The following XKR6 variants were observed in gnomAD, a reference collection of about 807,000 sequenced individuals.
XKR6 encodes XK-related protein 6.
In XKR6, 22 loss-of-function variants were observed where a neutral mutation model predicts 56.7. The ratio of observed to expected loss-of-function variants is 0.39; its 90% CI spans 0.28 to 0.55. XKR6 has a LOEUF of 0.55. XKR6 is among the 20% of genes least tolerant of loss of function. The pLI, the probability that XKR6 is intolerant of heterozygous loss-of-function variation, is 0.66. For synonymous variants in XKR6, 524 were observed against 387.8 expected (o/e 1.35, Z -4.13); for missense variants, 852 against 889.0 (o/e 0.96, Z 0.53).
At chr8:10,980,041 GA>G (rs1563325381) in intron 1 of XKR6, among the ~76,000 whole-genome samples, 5 of 152,230 alleles carry the variant, frequency 3.3e-5, no homozygotes, top group African/African-American at 1.2e-4. Context: ...CTGTCCCAAG[GA>G]AAACCCCATC....
intron 1 of XKR6, among the ~76,000 whole-genome samples, chr8:10,972,345 C>A (rs1181622839): frequency 2.0e-5 from 3 of 152,174 alleles, no homozygotes; most frequent in Admixed American, 6.5e-5. Flanking sequence ...TTCTTTCCTG[C>A]TGAGCTGATT....
Position 10,991,509 on chromosome 8 carries a change from G to A in XKR6, c.765-66679C>T, listed in dbSNP as rs553218061. 7.2e-5 allele frequency among the ~76,000 whole-genome samples: 11 copies of A among 152,298 alleles called. No homozygotes were observed. In the South Asian group the frequency reaches 1.9e-3, roughly 26 times the overall value. ...AATTTGGATGTTAAGGCCGGAACAC[G>A]ATGAGTCTATCTTTTCTGGGTCCTC... is the stretch of plus-strand genomic sequence containing the variant. On this transcript the variant is annotated intron_variant, in intron 1 of 2. Coordinates refer to ENST00000416569, the MANE Select transcript of XKR6 (RefSeq NM_173683.4).
chr8:11,024,200 A>G (rs934379015), intron 1 of XKR6, among the ~76,000 whole-genome samples: 1 of 133,096 alleles, frequency 7.5e-6, no homozygotes, highest in South Asian at 2.5e-4. Context: ...CATACCTGTT[A>G]GGAGGTGTGT....
chr8:10,980,164 A>C (rs1196842844), intron 1 of XKR6, among the ~76,000 whole-genome samples: 1 of 152,160 alleles, frequency 6.6e-6, no homozygotes, highest in African/African-American at 2.4e-5. Context: ...TGAGCTTGGT[A>C]CTAAGGATGA....
At position 11,036,120 on chromosome 8, in the gene XKR6, T is replaced by G. The variant is rs576951836; in HGVS notation, c.765-111290A>C. On this transcript the variant is annotated intron_variant, in intron 1 of 2. Coordinates refer to ENST00000416569, the MANE Select transcript of XKR6 (RefSeq NM_173683.4). ...CACCATACCAGGCTAATTGTTTTTC[T>G]TAGTTTTTGTAGAGATGGGGTCTCA... Among the ~76,000 whole-genome samples the G allele has an allele frequency of 3.3e-5, 5 of 152,100 alleles. No individual in the cohort carries two copies. The East Asian group carries it at 9.7e-4, about 30-fold the overall frequency.
intron 1 of XKR6, among the ~76,000 whole-genome samples, chr8:11,083,140 C>G (rs1343964687): frequency 6.6e-6 from 1 of 152,208 alleles, no homozygotes; most frequent in South Asian, 2.1e-4. Flanking sequence ...CGAGTCTCGG[C>G]AGCCAGTGGG....
At chr8:10,917,697 G>A (rs1024428186) in intron 2 of XKR6, among the ~76,000 whole-genome samples, 10 of 152,108 alleles carry the variant, frequency 6.6e-5, no homozygotes, top group Non-Finnish European at 1.5e-4. Context: ...TTCCTGGGGT[G>A]CCCTGATTTT....
intron 1 of XKR6, among the ~76,000 whole-genome samples, chr8:10,948,277 C>A (rs1323716220): frequency 1.3e-5 from 2 of 152,204 alleles, no homozygotes; most frequent in African/African-American, 2.4e-5. Flanking sequence ...CCCCATCCAG[C>A]AGATGGACCC....
intron 1 of XKR6, among the ~76,000 whole-genome samples, chr8:11,041,925 C>G (rs1373616154): frequency 2.0e-5 from 3 of 152,138 alleles, no homozygotes; most frequent in East Asian, 1.9e-4. Context: ...CAAATGTAAA[C>G]CACACACATG....
intron 1 of XKR6, among the ~76,000 whole-genome samples, chr8:11,082,577 G>A (rs942293552): frequency 2.0e-5 from 3 of 152,178 alleles, no homozygotes; most frequent in Non-Finnish European, 4.4e-5. Context: ...TGAGGTGGCG[G>A]ACCACCTGGC....
At chr8:11,107,921 G>C (rs879114949) in intron 1 of XKR6, 1 of 250,554 alleles carries the variant, frequency 4.0e-6, no homozygotes, top group African/African-American at 2.3e-5. Flanking sequence ...TGCCTGGGAC[G>C]CCTCCCGCAT....
chr8:10,976,834 T>C (rs1394171588), intron 1 of XKR6, among the ~76,000 whole-genome samples: 3 of 152,004 alleles, frequency 2.0e-5, no homozygotes, highest in African/African-American at 4.8e-5. Flanking sequence ...AATCCTCCAA[T>C]AGCGATGTGG....
intron 1 of XKR6, among the ~76,000 whole-genome samples, chr8:11,059,394 G>C (rs941124211): frequency 2.0e-5 from 3 of 152,228 alleles, no homozygotes; most frequent in African/African-American, 7.2e-5. Context: ...ACTGGAGCCG[G>C]GCTGGCGCCC....
In XKR6 at chr8:10,896,280, T is replaced by A. The variant is rs1327111893; in HGVS notation, c.*1672A>T. 6.6e-6 allele frequency: 1 copy of A among 152,124 alleles called. No individual in the cohort carries two copies. Among genetic ancestry groups the A allele is most frequent in the Non-Finnish European group, 1.5e-5 (1 of 67,856 alleles). The allele number at this position is 152,124 out of a possible 1,614,324, so 9.4% of individuals were successfully genotyped here. On this transcript the variant is annotated 3_prime_UTR_variant, in exon 3 of 3. Transcript: ENST00000416569. ...AACATACTTGCAACACCTGCAGAAA[T>A]TCAACTTGATACAATGAGAAAATAA...
intron 1 of XKR6, among the ~76,000 whole-genome samples, chr8:11,033,833 A>G (rs780845359): frequency 6.6e-6 from 1 of 152,198 alleles, no homozygotes; most frequent in Non-Finnish European, 1.5e-5. Flanking sequence ...CACATTTTAA[A>G]CAAGCTCCCC....
At chr8:11,109,034 G>C (rs930255468) in intron 1 of XKR6, 1 of 152,240 alleles carries the variant, frequency 6.6e-6, no homozygotes, top group Admixed American at 6.5e-5. Context: ...TAAAGAGTCA[G>C]ATTTCTGAAT....
intron 1 of XKR6, among the ~76,000 whole-genome samples, chr8:11,144,201 T>C (rs989950656): frequency 6.9e-6 from 1 of 145,262 alleles, no homozygotes; most frequent in Non-Finnish European, 1.5e-5. Flanking sequence ...ATTTATTTGA[T>C]GTAGTTTTGT....
chr8:11,074,320 T>A (rs1326203794), intron 1 of XKR6, among the ~76,000 whole-genome samples: 2 of 152,130 alleles, frequency 1.3e-5, no homozygotes, highest in African/African-American at 4.8e-5. Flanking sequence ...AGCCCCCACA[T>A]GGCCCCATGG....
chr8:11,023,020 C>T (rs1798781040), intron 1 of XKR6, among the ~76,000 whole-genome samples: 2 of 152,224 alleles, frequency 1.3e-5, no homozygotes, highest in South Asian at 4.1e-4. Flanking sequence ...TCCAAGGTAT[C>T]TGTCGAGGCA....
Sources: gnomAD v4.1 joint callset for allele counts (sites outside exome capture counted in the v4.1 genomes callset) on GRCh38, gnomAD v4.1.1 for gene constraint, MANE v1.5 for transcripts, NCBI Gene and HGNC (gene_info 2026-07-23, HGNC 2026-07-21) for gene names.